Variants in PDS5A observed in about 807,000 individuals in gnomAD.
The protein encoded by PDS5A is PDS5 cohesin associated factor A.
A neutral mutation model predicts 167.1 loss-of-function variants in PDS5A; 42 were observed. The observed-to-expected ratio is 0.25, with a 90% CI of 0.20 to 0.33. The LOEUF is 0.33. Ranked by LOEUF, PDS5A falls within the 10% of genes least tolerant of loss-of-function variation. The pLI, the probability that PDS5A is intolerant of heterozygous loss-of-function variation, is 1.00. For missense variants in PDS5A, 1,033 were observed against 1,605.9 expected, an observed-to-expected ratio of 0.64 and a Z score of 6.10; for synonymous variants, 553 against 554.6, an observed-to-expected ratio of 1.00 and a Z score of 0.04.
chr4:39,885,783 CA>C (rs60807358), intron 17 of PDS5A, among the ~76,000 whole-genome samples: 7 of 149,994 alleles, frequency 4.7e-5, no homozygotes, highest in Non-Finnish European at 7.4e-5. Flanking sequence ...AAAAAACAAA[CA>C]AAAAAAAACA....
chr4:39,973,556 T>C, intron 2 of PDS5A: 2 of 1,208,148 alleles, frequency 1.7e-6, no homozygotes, highest in East Asian at 4.7e-5. Context: ...GCAAAGGCTA[T>C]GATGGAGGGT....
intron 9 of PDS5A, among the ~76,000 whole-genome samples, chr4:39,912,326 T>C (rs533101758): frequency 5.3e-5 from 8 of 152,292 alleles, no homozygotes; most frequent in Admixed American, 3.3e-4. Flanking sequence ...AAGTGAAAAA[T>C]GAAGCCTTGC....
intron 17 of PDS5A, among the ~76,000 whole-genome samples, chr4:39,885,405 GCCTGGGCAA>G (rs1020291968): frequency 2.0e-5 from 3 of 151,914 alleles, no homozygotes; most frequent in Non-Finnish European, 4.4e-5. Context: ...CTCGAGACCA[GCCTGGGCAA>G]CACGGCAAAA....
chr4:39,901,405 T>A (rs1722878835), intron 13 of PDS5A, among the ~76,000 whole-genome samples: 1 of 151,834 alleles, frequency 6.6e-6, no homozygotes, highest in Non-Finnish European at 1.5e-5. Flanking sequence ...GTAGCTGGGA[T>A]TACAGGCGTG....
intron 16 of PDS5A, among the ~76,000 whole-genome samples, chr4:39,895,284 A>C (rs906516854): frequency 4.6e-5 from 7 of 152,142 alleles, no homozygotes; most frequent in African/African-American, 1.7e-4. Flanking sequence ...ACACAAACCT[A>C]AATGGTATAG....
At chr4:39,894,444 T>G (rs148352065) in intron 16 of PDS5A, among the ~76,000 whole-genome samples, 6 of 151,910 alleles carry the variant, frequency 3.9e-5, no homozygotes, top group African/African-American at 1.4e-4. Flanking sequence ...TAAATAAAAT[T>G]TAAAAAAGAA....
At chr4:39,869,063 C>T (rs958153881) in intron 22 of PDS5A, among the ~76,000 whole-genome samples, 1 of 152,178 alleles carries the variant, frequency 6.6e-6, no homozygotes, top group Non-Finnish European at 1.5e-5. Context: ...GCAGAAGACA[C>T]TGACATGTAA....
At chr4:39,869,497 G>GA (rs34039605) in intron 21 of PDS5A, 35 bp from the exon 22 acceptor site, 362,208 of 1,118,142 alleles carry the variant, frequency 0.32, 47,346 homozygotes, top group East Asian at 0.42. Flanking sequence ...CTATTAGCAT[G>GA]AAAAAAAAAA....
chr4:39,977,445 C>T lies in PDS5A; in HGVS notation c.-41+12G>A, dbSNP rs1731227886. ...CAGCCTAGGGCGGGAGCCGAGCCGCCGCCGCCTTTACCTCCTCCTCATGCG... is the reference window on the plus strand; with the variant it reads ...CAGCCTAGGGCGGGAGCCGAGCCGCTGCCGCCTTTACCTCCTCCTCATGCG... On this transcript the variant is annotated intron_variant, in intron 1 of 32. Coordinates refer to ENST00000303538, the MANE Select transcript of PDS5A (RefSeq NM_001100399.2). The surrounding 1 kb of genome is among the most constrained non-coding windows in gnomAD (Gnocchi z 4.2). The T allele has an allele frequency of 1.3e-5, 2 of 153,874 alleles. No individual in the cohort carries two copies. The highest frequency in any genetic ancestry group is 6.5e-5 in the Admixed American group (1 of 15,286). The allele number at this position is 153,874 out of a possible 1,614,324, so 9.5% of individuals were successfully genotyped here.
Position 39,976,472 on chromosome 4 carries a change from T to C in PDS5A, c.106A>G (p.Ile36Val). The change falls in exon 2 of 33, where the codon ATC becomes GTC. Residue 36 changes from isoleucine (I) to valine (V), a missense_variant. By Grantham distance (29) the Ile-to-Val change is conservative (BLOSUM62 3). Coordinates refer to ENST00000303538, the MANE Select transcript of PDS5A (RefSeq NM_001100399.2). ...PPGVKEITDKITTDEMIKRLK... is the reference protein window; with the variant it reads ...PPGVKEITDKVTTDEMIKRLK... ...CGTTTGATCATCTCGTCCGTGGTGATCTTGTCGGTGATCTCTTTTACCCCC... is the reference window on the plus strand; with the variant it reads ...CGTTTGATCATCTCGTCCGTGGTGACCTTGTCGGTGATCTCTTTTACCCCC... 6.2e-7 allele frequency: 1 copy of C among 1,613,576 alleles called. No individual in the cohort carries two copies. The highest frequency in any genetic ancestry group is 1.3e-5 in the African/African-American group (1 of 75,026).
chr4:39,875,416 A>G (rs1720381838), intron 19 of PDS5A, among the ~76,000 whole-genome samples: 1 of 152,164 alleles, frequency 6.6e-6, no homozygotes, highest in African/African-American at 2.4e-5. Flanking sequence ...TAAAATTGAT[A>G]AAACGAAACA....
At chr4:39,964,490 G>C (rs938968013) in intron 2 of PDS5A, among the ~76,000 whole-genome samples, 8 of 152,154 alleles carry the variant, frequency 5.3e-5, no homozygotes, top group Non-Finnish European at 1.2e-4. Flanking sequence ...GATGGCTTGA[G>C]GCCAAAAGTT....
At chr4:39,890,135 TAA>T (rs1425523784) in intron 17 of PDS5A, 112 bp downstream of exon 17, 10 of 593,618 alleles carry the variant, frequency 1.7e-5, no homozygotes, top group African/African-American at 3.7e-5. Flanking sequence ...ACCCTGTGAT[TAA>T]AAAGAGACAT....
At chr4:39,858,207 T>C (rs1220994233) in intron 26 of PDS5A, among the ~76,000 whole-genome samples, 1 of 152,204 alleles carries the variant, frequency 6.6e-6, no homozygotes, top group Non-Finnish European at 1.5e-5. Flanking sequence ...AAAAGTACAA[T>C]GGAATTTTTT....
Position 39,925,854 on chromosome 4 carries a change from G to T in PDS5A, c.509C>A (p.Thr170Asn). Residue 170 changes from threonine to asparagine, a missense_variant, in exon 5 of 33, where the codon ACT becomes AAT. Around this residue, in one of 4 missense-constraint regions of PDS5A, gnomAD observed 388 missense variants for 615.1 expected, o/e 0.63. Transcript: ENST00000303538. Reference sequence around the variant, plus strand: ...AACTTACTTGATCACTGAGAAGAGAGTTCTAAAAAGCTGAATAAAAATTTC... The same window carrying T: ...AACTTACTTGATCACTGAGAAGAGATTTCTAAAAAGCTGAATAAAAATTTC... ...CNEIFIQLFR[T>N]LFSVINNSHN... 1 of 1,448,572 alleles carries T rather than the reference G, an allele frequency of 6.9e-7. No homozygotes were observed. Among genetic ancestry groups the T allele is most frequent in the Non-Finnish European group, 9.5e-7 (1 of 1,050,788 alleles). The allele number at this position is 1,448,572 out of a possible 1,614,324, so 89.7% of individuals were successfully genotyped here. A position where few individuals can be genotyped will look rare whatever the true frequency, so the allele number is the denominator to read the frequency against.
intron 11 of PDS5A, among the ~76,000 whole-genome samples, chr4:39,906,364 T>C (rs1002758230): frequency 2.0e-5 from 3 of 150,960 alleles, no homozygotes; most frequent in Admixed American, 2.0e-4. Flanking sequence ...TGAGACCCTG[T>C]CTCAAACAAA....
intron 2 of PDS5A, among the ~76,000 whole-genome samples, chr4:39,967,058 G>T (rs990908844): frequency 6.7e-6 from 1 of 149,642 alleles, no homozygotes; most frequent in Non-Finnish European, 1.5e-5. Context: ...TAATCCCAGC[G>T]CTTTGGGAGG....
At chr4:39,967,900 C>A (rs1400113831) in intron 2 of PDS5A, among the ~76,000 whole-genome samples, 2 of 151,906 alleles carry the variant, frequency 1.3e-5, no homozygotes, top group Non-Finnish European at 2.9e-5. Flanking sequence ...TGGCAACAGA[C>A]CGAGAGACTC....
chr4:39,899,363 A>G (rs1560465547), intron 14 of PDS5A, among the ~76,000 whole-genome samples: 2 of 152,150 alleles, frequency 1.3e-5, no homozygotes, highest in Non-Finnish European at 2.9e-5. Context: ...AAATTTGAAT[A>G]ATTTAGTTCA....
Sources: allele counts gnomAD v4.1 joint callset (sites outside exome capture counted in the v4.1 genomes callset), GRCh38; gene constraint gnomAD v4.1.1; regional missense constraint gnomAD v4.1.1; non-coding constraint Gnocchi (gnomAD v3.1); transcripts MANE v1.5; gene names NCBI Gene and HGNC (gene_info 2026-07-23, HGNC 2026-07-21).